ASIP: variants seen among roughly 807,000 people sequenced by gnomAD.
The protein encoded by ASIP is agouti signaling protein.
A neutral mutation model predicts 10.3 loss-of-function variants in ASIP; 11 were observed. The observed-to-expected ratio is 1.07, with a 90% CI of 0.68 to 1.78. The LOEUF (loss-of-function observed/expected upper bound fraction) is 1.78. ASIP is among the 40% of genes most tolerant of loss of function. The probability of loss-of-function intolerance (pLI) is 0.00; values close to 1 mark genes in which losing one functional copy is unlikely to be tolerated. For synonymous variants in ASIP, 70 were observed against 70.8 expected (o/e 0.99, Z 0.06); for missense variants, 180 against 169.2 (o/e 1.06, Z -0.35).
chr20:34,195,483 A>C (rs888934530), intron 1 of ASIP, among the ~76,000 whole-genome samples: 1 of 152,226 alleles, frequency 6.6e-6, no homozygotes, highest in African/African-American at 2.4e-5. Context: ...GGATCAGGGC[A>C]CTTACGCTGA....
chr20:34,264,360 A>G (rs2035749296), intron 3 of ASIP, among the ~76,000 whole-genome samples: 1 of 152,180 alleles, frequency 6.6e-6, no homozygotes, highest in Non-Finnish European at 1.5e-5. Context: ...ACGCTCTGTG[A>G]GCTAATCATC....
At chr20:34,220,585 A>T (rs1307651488) in intron 1 of ASIP, among the ~76,000 whole-genome samples, 1 of 142,910 alleles carries the variant, frequency 7.0e-6, no homozygotes, top group African/African-American at 3.0e-5. Context: ...ACAGGGCGAG[A>T]CCTTCTCTCA....
At chr20:34,245,450 A>G (rs1266937902) in intron 1 of ASIP, among the ~76,000 whole-genome samples, 1 of 150,112 alleles carries the variant, frequency 6.7e-6, no homozygotes, top group Non-Finnish European at 1.5e-5. Context: ...GTGCAATGGC[A>G]GATCTCGGCT....
At chr20:34,223,411 G>A (rs538835888) in intron 1 of ASIP, among the ~76,000 whole-genome samples, 1 of 151,852 alleles carries the variant, frequency 6.6e-6, no homozygotes, top group African/African-American at 2.4e-5. Context: ...CGTCTGAGAA[G>A]TGAGGAGCCT....
At chr20:34,245,769 TA>T (rs1277525769) in intron 1 of ASIP, among the ~76,000 whole-genome samples, 1 of 151,690 alleles carries the variant, frequency 6.6e-6, no homozygotes, top group Non-Finnish European at 1.5e-5. Flanking sequence ...CTTTGGCAAT[TA>T]AAAAAACAAG....
At chr20:34,226,622 A>G (rs1377051617) in intron 1 of ASIP, among the ~76,000 whole-genome samples, 2 of 152,178 alleles carry the variant, frequency 1.3e-5, no homozygotes, top group African/African-American at 4.8e-5. Context: ...CTAAAGTGCT[A>G]GGATTATAGG....
chr20:34,210,759 G>A (rs935747734), intron 1 of ASIP, among the ~76,000 whole-genome samples: 1 of 152,218 alleles, frequency 6.6e-6, no homozygotes, highest in Non-Finnish European at 1.5e-5. Flanking sequence ...TCCTTGTCTT[G>A]TTCCAGATGT....
intron 1 of ASIP, among the ~76,000 whole-genome samples, chr20:34,212,599 A>G (rs937406663): frequency 6.6e-6 from 1 of 152,210 alleles, no homozygotes; most frequent in Non-Finnish European, 1.5e-5. Context: ...ATAATGTCTT[A>G]TATAGTATTT....
chr20:34,260,171 T>C (rs972087528), intron 1 of ASIP, among the ~76,000 whole-genome samples, 194 bp from the exon 2 acceptor site: 3 of 152,070 alleles, frequency 2.0e-5, no homozygotes, highest in Admixed American at 6.6e-5. Context: ...TCTCTTCCTC[T>C]TCCCATCTCT....
At position 34,231,856 on chromosome 20, in the gene ASIP, T is replaced by C. The variant is rs529395944; in HGVS notation, c.-10-28509T>C. ...TAAAAAGACTGACCATAACAAGTGT[T>C]GGCAAGGACATTGAGTAATGGAACT... is the stretch of plus-strand genomic sequence containing the variant. On this transcript the variant is annotated intron_variant, in intron 1 of 3. Transcript: ENST00000568305. Among the ~76,000 whole-genome samples, 7 of 152,358 alleles carry C rather than the reference T, an allele frequency of 4.6e-5. No individual in the cohort carries two copies. The South Asian group carries it at 1.2e-3, about 27-fold the overall frequency.
chr20:34,216,386 A>G lies in ASIP; in HGVS notation c.-11+21626A>G, dbSNP rs945210893. 2.0e-5 allele frequency among the ~76,000 whole-genome samples: 3 copies of G among 152,226 alleles called. No homozygotes were observed. In the South Asian group the frequency reaches 6.2e-4, roughly 31 times the overall value. On this transcript the variant is annotated intron_variant, in intron 1 of 3. Coordinates refer to the ASIP transcript ENST00000568305. ...CGCGGGCTGGGGCCGTCTCCTGTCT[A>G]TTTCTTATTTATTCCTTTCAAAATG...
chr20:34,265,947 C>CA (rs1218312792), intron 3 of ASIP, among the ~76,000 whole-genome samples: 15 of 140,758 alleles, frequency 1.1e-4, no homozygotes, highest in East Asian at 7.1e-4. Flanking sequence ...AAGACTGTCT[C>CA]AAAAAAAAAC....
At chr20:34,254,819 A>G (rs761542551) in intron 1 of ASIP, among the ~76,000 whole-genome samples, 7 of 152,184 alleles carry the variant, frequency 4.6e-5, no homozygotes, top group Non-Finnish European at 8.8e-5. Context: ...TAGAATATAC[A>G]TATCCCTCCA....
At chr20:34,243,811 T>A (rs1212970730) in intron 1 of ASIP, among the ~76,000 whole-genome samples, 1 of 149,800 alleles carries the variant, frequency 6.7e-6, no homozygotes, top group African/African-American at 2.5e-5. Context: ...ACGCCTGTAA[T>A]CCCAGCACTT....
rs558821578 is a variant in ASIP, at chr20:34,256,147, C to CCT, written c.-10-4210_-10-4209dup. On this transcript the variant is annotated intron_variant, in intron 1 of 3. Transcript: ENST00000374954. ...TAGAAGAAATAATGGCATAAACTGT[C>CCT]CTCTCTCTCCGCCTCGGCTGCCAAA... Among the ~76,000 whole-genome samples the CCT allele has an allele frequency of 1.1e-4, 16 of 152,300 alleles. 1 individual carries two copies. The South Asian group carries it at 3.1e-3, about 30-fold the overall frequency.
At chr20:34,213,798 C>T in intron 1 of ASIP, 2 of 1,508,532 alleles carry the variant, frequency 1.3e-6, no homozygotes, top group East Asian at 2.3e-5. Context: ...AACTGAGGGC[C>T]AGCAAGAATG....
intron 1 of ASIP, among the ~76,000 whole-genome samples, chr20:34,219,507 G>T (rs555955286): frequency 6.6e-6 from 1 of 152,322 alleles, no homozygotes; most frequent in East Asian, 1.9e-4. Flanking sequence ...GGAAAGAGAG[G>T]CAGAAGTTCT....
intron 1 of ASIP, chr20:34,215,234 G>C: frequency 1.3e-6 from 2 of 1,576,572 alleles, no homozygotes; most frequent in Non-Finnish European, 1.7e-6. Context: ...TTGGCTAAAA[G>C]GGATAAGTCA....
intron 1 of ASIP, among the ~76,000 whole-genome samples, chr20:34,253,915 A>T (rs549174477): frequency 6.6e-6 from 1 of 152,360 alleles, no homozygotes; most frequent in East Asian, 1.9e-4. Context: ...CTAAATACAG[A>T]TGATGAATTT....
Sources: allele counts gnomAD v4.1 joint callset (sites outside exome capture counted in the v4.1 genomes callset), GRCh38; gene constraint gnomAD v4.1.1; transcripts MANE v1.5; gene names NCBI Gene and HGNC (gene_info 2026-07-23, HGNC 2026-07-21).